The following TULP3 variants were observed in gnomAD, a reference collection of about 807,000 sequenced individuals.
TULP3 encodes tubby-related protein 3.
TULP3 carries 38 observed loss-of-function variants against 50.7 expected under a neutral mutation model. The observed-to-expected ratio is 0.75, with a 90% CI of 0.58 to 0.98. TULP3 has a LOEUF of 0.98. TULP3 is among the 50% of genes least tolerant of loss of function. The probability of loss-of-function intolerance (pLI) is 0.00; values close to 1 mark genes in which losing one functional copy is unlikely to be tolerated. For missense variants in TULP3, 550 were observed against 568.0 expected, an observed-to-expected ratio of 0.97 and a Z score of 0.32; for synonymous variants, 183 against 196.6, an observed-to-expected ratio of 0.93 and a Z score of 0.58.
intron 1 of TULP3, among the ~76,000 whole-genome samples, chr12:2,894,565 A>G (rs1282622066): frequency 1.5e-5 from 2 of 133,380 alleles, no homozygotes; most frequent in Middle Eastern, 3.8e-3. Context: ...ACACACACAC[A>G]CGCACGCACA....
intron 2 of TULP3, among the ~76,000 whole-genome samples, chr12:2,914,385 A>C (rs1412899709): frequency 6.6e-6 from 1 of 152,156 alleles, no homozygotes; most frequent in Non-Finnish European, 1.5e-5. Context: ...CAGCCTCCCA[A>C]AGTGCTGGGA....
chr12:2,910,549 C>T (rs1172974628), intron 2 of TULP3, among the ~76,000 whole-genome samples: 1 of 152,166 alleles, frequency 6.6e-6, no homozygotes, highest in Non-Finnish European at 1.5e-5. Context: ...ACCCAACATA[C>T]ATTGCATTTA....
intron 4 of TULP3, among the ~76,000 whole-genome samples, chr12:2,929,811 A>G (rs759142567): frequency 6.6e-6 from 1 of 152,066 alleles, no homozygotes; most frequent in African/African-American, 2.4e-5. Flanking sequence ...GGATGGTCTC[A>G]ATCTCCTGAC....
At chr12:2,933,367 G>A (rs746261041) in intron 6 of TULP3, 51 bp from the exon 7 acceptor site, 1 of 1,123,048 alleles carries the variant, frequency 8.9e-7, no homozygotes, top group South Asian at 1.2e-5. Flanking sequence ...GACCAGAGGT[G>A]GGGCAGGTTC....
At chr12:2,910,292 C>T (rs1316898830) in intron 2 of TULP3, among the ~76,000 whole-genome samples, 1 of 135,652 alleles carries the variant, frequency 7.4e-6, no homozygotes, top group Non-Finnish European at 1.6e-5. Context: ...AAAAAAAAAT[C>T]CCCATCGCAT....
Position 2,939,511 on chromosome 12 carries a change from C to G in TULP3, c.*67C>G. On this transcript the variant is annotated 3_prime_UTR_variant, in exon 11 of 11. Coordinates refer to ENST00000448120, the MANE Select transcript of TULP3 (RefSeq NM_003324.5). This position sits in a 1 kb window ranked among gnomAD's most constrained non-coding sequence, Gnocchi z 4.0. The stretch of plus-strand genomic sequence containing the variant: ...CAGGAGCAGACAGTGGCCTCCCCTT[C>G]CCCTCCCTGCCCCAGGACTTAAAGA... 1 of 1,589,708 alleles carries G rather than the reference C, an allele frequency of 6.3e-7. No homozygotes were observed. Among genetic ancestry groups the G allele is most frequent in the African/African-American group, 1.3e-5 (1 of 74,246 alleles).
intron 2 of TULP3, among the ~76,000 whole-genome samples, chr12:2,911,375 C>T (rs770123674): frequency 7.4e-5 from 11 of 149,202 alleles, no homozygotes; most frequent in East Asian, 2.0e-4. Context: ...TTTTTTGAGA[C>T]GGAGTCTCAC....
chr12:2,939,255 T>C lies in TULP3; in HGVS notation c.1196-56T>C. ...AAGAAAAGGAAGAAAAAGAAAAAGATTTCCCTGAGTGCAACCACATTATAT... is the reference window on the plus strand; with the variant it reads ...AAGAAAAGGAAGAAAAAGAAAAAGACTTCCCTGAGTGCAACCACATTATAT... On this transcript the variant is annotated intron_variant, in intron 10 of 10. Coordinates refer to ENST00000448120, the MANE Select transcript of TULP3 (RefSeq NM_003324.5). This position sits in a 1 kb window ranked among gnomAD's most constrained non-coding sequence, Gnocchi z 4.0. The C allele has an allele frequency of 1.9e-6, 3 of 1,577,556 alleles. 1 individual carries two copies. The South Asian group carries it at 3.4e-5, about 18-fold the overall frequency.
In TULP3 at chr12:2,901,686, A is replaced by G. The variant is rs559777777; in HGVS notation, c.42-7843A>G. Among the ~76,000 whole-genome samples the G allele has an allele frequency of 2.9e-3, 446 of 152,156 alleles. 3 individuals carry two copies. Among genetic ancestry groups the G allele is most frequent in the African/African-American group, 0.01 (427 of 41,518 alleles). On this transcript the variant is annotated intron_variant, in intron 1 of 10. Coordinates refer to ENST00000448120, the MANE Select transcript of TULP3 (RefSeq NM_003324.5). ...GTGTGAGCTACCGTGCCTGGCTCCA[A>G]TTTTTAGTTAGGTTGTTTGTCTTAA...
rs36190881 is a variant in TULP3, at chr12:2,893,327, G to GTTTTTTTTTTTTTTTTTTTTTTTT, written c.41+2356_41+2357insTTTTTTTTTTTTTTTTTTTTTTTT. 1.6e-5 allele frequency among the ~76,000 whole-genome samples: 2 copies of GTTTTTTTTTTTTTTTTTTTTTTTT among 128,162 alleles called. 1 individual carries two copies. Among genetic ancestry groups the GTTTTTTTTTTTTTTTTTTTTTTTT allele is most frequent in the African/African-American group, 6.2e-5 (2 of 32,500 alleles). The allele number at this position is 128,162 out of a possible 152,430, so 84.1% of individuals were successfully genotyped here. ...GGGCTTCAGGTTGTGTGTTTAATGT[G>GTTTTTTTTTTTTTTTTTTTTTTTT]TTTTTTTTTTTTTTTTTCCAAACGG... On this transcript the variant is annotated intron_variant, in intron 1 of 10. Coordinates refer to ENST00000448120, the MANE Select transcript of TULP3 (RefSeq NM_003324.5).
chr12:2,911,106 G>T (rs1454691249), intron 2 of TULP3, among the ~76,000 whole-genome samples: 1 of 151,026 alleles, frequency 6.6e-6, no homozygotes, highest in East Asian at 1.9e-4. Flanking sequence ...TTTTTTTAAG[G>T]TGGCCCTAAT....
At chr12:2,937,406 A>T (rs577263146) in intron 8 of TULP3, among the ~76,000 whole-genome samples, 1 of 151,146 alleles carries the variant, frequency 6.6e-6, no homozygotes, top group African/African-American at 2.4e-5. Flanking sequence ...TAGTAGAGAC[A>T]GGGTTTCACC....
intron 4 of TULP3, among the ~76,000 whole-genome samples, chr12:2,925,093 G>A (rs1454533493): frequency 2.0e-5 from 3 of 151,536 alleles, no homozygotes; most frequent in Middle Eastern, 3.2e-3. Flanking sequence ...GCGTGAACCC[G>A]GGAGGCGGAG....
Position 2,916,664 on chromosome 12 carries a change from A to G in TULP3, c.94-4099A>G, listed in dbSNP as rs760334331. On this transcript the variant is annotated intron_variant, in intron 2 of 10. Transcript: ENST00000448120. ...TCGTTTAAAGCACTTTTAGGTTTTCAGGGAAGTAAAATATAGATGGAATAG... is the reference window on the plus strand; with the variant it reads ...TCGTTTAAAGCACTTTTAGGTTTTCGGGGAAGTAAAATATAGATGGAATAG... Among the ~76,000 whole-genome samples, 16 of 152,312 alleles carry G rather than the reference A, an allele frequency of 1.1e-4. No individual in the cohort carries two copies. In the South Asian group the frequency reaches 1.7e-3, roughly 16 times the overall value.
At chr12:2,936,145 C>G (rs1189675255) in intron 8 of TULP3, among the ~76,000 whole-genome samples, 1 of 152,070 alleles carries the variant, frequency 6.6e-6, no homozygotes, top group African/African-American at 2.4e-5. Flanking sequence ...TGGCAGGCAC[C>G]TGTAATCCCA....
intron 1 of TULP3, among the ~76,000 whole-genome samples, chr12:2,904,959 C>A (rs1028503407): frequency 8.6e-5 from 13 of 151,742 alleles, no homozygotes; most frequent in Non-Finnish European, 1.6e-4. Context: ...ATGGCAGGCA[C>A]CTGTTATCCC....
rs1227360845 is a variant in TULP3 at position 2,941,000 on chromosome 12, C to T, written c.*1556C>T. ...TTATGGTGGGCCAGGTGGACCTCAT[C>T]CTGCTTCTTCCTCCCTCTGGTTTAA... On this transcript the variant is annotated 3_prime_UTR_variant, in exon 11 of 11. Coordinates refer to ENST00000448120, the MANE Select transcript of TULP3 (RefSeq NM_003324.5). 3.1e-5 allele frequency: 13 copies of T among 415,454 alleles called. No homozygotes were observed. Among genetic ancestry groups the T allele is most frequent in the Non-Finnish European group, 5.6e-5 (13 of 233,946 alleles). The allele number at this position is 415,454 out of a possible 1,614,324, so 25.7% of individuals were successfully genotyped here. A position where few individuals can be genotyped will look rare whatever the true frequency, so the allele number is the denominator to read the frequency against.
chr12:2,925,893 C>G (rs752469922), intron 4 of TULP3, among the ~76,000 whole-genome samples: 1 of 152,140 alleles, frequency 6.6e-6, no homozygotes, highest in African/African-American at 2.4e-5. Context: ...AATGGCTGTT[C>G]GTTTTCAGAA....
intron 4 of TULP3, among the ~76,000 whole-genome samples, chr12:2,928,279 C>T (rs544277855): frequency 1.3e-5 from 2 of 152,314 alleles, no homozygotes; most frequent in South Asian, 4.1e-4. Flanking sequence ...GCCTATAATC[C>T]CAGCACTTTG....
Sources: gnomAD v4.1 joint callset for allele counts (sites outside exome capture counted in the v4.1 genomes callset) on GRCh38, gnomAD v4.1.1 for gene constraint, Gnocchi (gnomAD v3.1) non-coding constraint, MANE v1.5 for transcripts, NCBI Gene and HGNC (gene_info 2026-07-23, HGNC 2026-07-21) for gene names.